Variants in NPC1L1 observed in about 807,000 individuals in gnomAD.
NPC1L1 encodes NPC1-like intracellular cholesterol transporter 1.
NPC1L1 carries 98 observed loss-of-function variants against 117.0 expected under a neutral mutation model. That is an observed-to-expected ratio of 0.84 (90% CI 0.71 to 0.99). The LOEUF (loss-of-function observed/expected upper bound fraction) is 0.99, where lower values mean the gene tolerates loss of function less well. NPC1L1 is among the 50% of genes least tolerant of loss of function. The pLI, the probability that NPC1L1 is intolerant of heterozygous loss-of-function variation, is 0.00. For missense variants in NPC1L1, 1,540 were observed against 1,710.0 expected (o/e 0.90, Z 1.75); for synonymous variants, 729 against 727.6 (o/e 1.00, Z -0.03).
At chr7:44,540,442 G>A in intron 1 of NPC1L1, 100 bp from the exon 2 acceptor site, 14 of 1,050,112 alleles carry the variant, frequency 1.3e-5, no homozygotes, top group Non-Finnish European at 1.7e-5. Context: ...AGGACATGGA[G>A]CAGGGGCAGG....
rs757044326 is a variant in NPC1L1, at chr7:44,540,206, C to A, written c.191G>T (p.Arg64Leu). ...NVSCLSNTPARKITGDHLILL... is the reference protein window; with the variant it reads ...NVSCLSNTPALKITGDHLILL... ...GATCAGGTGATCACCTGTGATCTTG[C>A]GGGCCGGCGTGTTGGACAGGCAGGA... Residue 64 changes from arginine (R) to leucine (L), a missense_variant, in exon 2 of 19, where the codon CGC becomes CTC. Arg to Leu is a moderately radical substitution (Grantham distance 102). Coordinates refer to ENST00000381160, the MANE Select transcript of NPC1L1 (RefSeq NM_001101648.2). 5 of 1,613,936 alleles carry A rather than the reference C, an allele frequency of 3.1e-6. No homozygotes were observed. In the African/African-American group the frequency reaches 4.0e-5, roughly 13 times the overall value.
rs201908509 is a variant in NPC1L1 at position 44,540,212 on chromosome 7, G to A, written c.185C>T (p.Pro62Leu). ...GTGATCACCTGTGATCTTGCGGGCC[G>A]GCGTGTTGGACAGGCAGGACACGTT... ...LSNVSCLSNT[P>L]ARKITGDHLI... Residue 62 changes from proline (P) to leucine (L), a missense_variant, in exon 2 of 19, where the codon CCG becomes CTG. Transcript: ENST00000381160. The A allele has an allele frequency of 1.8e-4, 291 of 1,614,080 alleles. 1 individual carries two copies. The highest frequency in any genetic ancestry group is 1.4e-3 in the Admixed American group (82 of 60,018).
Position 44,517,367 on chromosome 7 carries a change from C to A in NPC1L1, c.3137-10G>T. On this transcript the variant is annotated splice_polypyrimidine_tract_variant and intron_variant, in intron 14 of 18. Transcript: ENST00000381160. ...GCCATGAACCTGGAGGCTGGACAGCCATGGCACACAGAAGATGGAAGGGCA... is the reference window on the plus strand; with the variant it reads ...GCCATGAACCTGGAGGCTGGACAGCAATGGCACACAGAAGATGGAAGGGCA... 1.2e-6 allele frequency: 2 copies of A among 1,609,388 alleles called. No homozygotes were observed. The highest frequency in any genetic ancestry group is 1.1e-5 in the South Asian group (1 of 91,070).
At chr7:44,525,321 A>C (rs1259211056) in intron 10 of NPC1L1, among the ~76,000 whole-genome samples, 1 of 152,168 alleles carries the variant, frequency 6.6e-6, no homozygotes, top group Non-Finnish European at 1.5e-5. Flanking sequence ...GCAGTGGCAC[A>C]ATCTCGGCTC....
chr7:44,539,601 T>C lies in NPC1L1; in HGVS notation c.796A>G (p.Ile266Val), dbSNP rs147224015. ...CQDCAASCPAIARPQALDSTF... is the reference protein window; with the variant it reads ...CQDCAASCPAVARPQALDSTF... ...GAGTCGAGGGCCTGGGGGCGGGCTA[T>C]GGCAGGACAGGATGCAGCACAGTCT... Residue 266 changes from isoleucine to valine, a missense_variant, in exon 2 of 19, where the codon ATA becomes GTA. Physicochemically the swap from Ile to Val is conservative, Grantham distance 29. Around this residue, in one of 3 missense-constraint regions of NPC1L1, gnomAD observed 793 missense variants for 820.4 expected, o/e 0.97. Coordinates refer to ENST00000381160, the MANE Select transcript of NPC1L1 (RefSeq NM_001101648.2). This position sits in a 1 kb window ranked among gnomAD's most constrained non-coding sequence, Gnocchi z 4.4. 7 of 1,613,852 alleles carry C rather than the reference T, an allele frequency of 4.3e-6. No homozygotes were observed. The African/African-American group carries it at 6.7e-5, about 15-fold the overall frequency.
In NPC1L1 at chr7:44,512,895, C is replaced by T. The variant is rs1016413601; in HGVS notation, c.*552G>A. 2.2e-5 allele frequency: 4 copies of T among 181,636 alleles called. No individual in the cohort carries two copies. Among genetic ancestry groups the T allele is most frequent in the Non-Finnish European group, 4.7e-5 (4 of 84,558 alleles). 11.3% of individuals were successfully genotyped at this position (181,636 alleles called of 1,614,324 possible). A position where few individuals can be genotyped will look rare whatever the true frequency, so the allele number is the denominator to read the frequency against. Reference sequence around the variant, plus strand: ...GGGCCCTTCTCTTGCCAGAAAAGGCCGTGGATGGCAGACCTGCAGGTGCGC... The same window carrying T: ...GGGCCCTTCTCTTGCCAGAAAAGGCTGTGGATGGCAGACCTGCAGGTGCGC... On this transcript the variant is annotated 3_prime_UTR_variant, in exon 19 of 19. Coordinates refer to ENST00000381160, the MANE Select transcript of NPC1L1 (RefSeq NM_001101648.2).
At position 44,538,940 on chromosome 7, in the gene NPC1L1, C is replaced by T. The variant is rs768954079; in HGVS notation, c.1457G>A (p.Cys486Tyr). The T allele has an allele frequency of 6.2e-7, 1 of 1,614,186 alleles. No homozygotes were observed. The highest frequency in any genetic ancestry group is 1.7e-5 in the Admixed American group (1 of 60,022). Residue 486 changes from cysteine (C) to tyrosine (Y), a missense_variant, in exon 2 of 19, where the codon TGC becomes TAC. By Grantham distance (194) the Cys-to-Tyr change is radical (BLOSUM62 -2). Transcript: ENST00000381160. The surrounding 1 kb of genome is among the most constrained non-coding windows in gnomAD (Gnocchi z 5.9). ...GAAATACTGCAGGAGGCTGTTGATG[C>T]AGCAGTCGTAGAGACTGGTATTGTC... Reference protein sequence around the residue: ...NPDNTSLYDCCINSLLQYFQN... With the variant: ...NPDNTSLYDCYINSLLQYFQN...
chr7:44,515,454 A>G (rs1287029699), intron 18 of NPC1L1, among the ~76,000 whole-genome samples: 1 of 152,238 alleles, frequency 6.6e-6, no homozygotes, highest in Admixed American at 6.5e-5. Flanking sequence ...CATTTGTTTT[A>G]GGCAGGCATG....
rs1801340000 is a variant in NPC1L1, at chr7:44,521,094, C to A, written c.2978G>T (p.Cys993Phe). Residue 993 changes from cysteine (C) to phenylalanine (F), a missense_variant, in exon 13 of 19, where the codon TGC (cysteine) becomes TTC (phenylalanine). By Grantham distance (205) the Cys-to-Phe change is radical. Coordinates refer to ENST00000381160, the MANE Select transcript of NPC1L1 (RefSeq NM_001101648.2). ...CACAGAGCCCATCGTGATGCTCATG[C>A]AGTTCTTTAGGCAGTTCAGAGAGTC... The part of the protein sequence containing the change: ...TVNSLNCLKN[C>F]MSITMGSVRP... 6.2e-7 allele frequency: 1 copy of A among 1,614,196 alleles called. No homozygotes were observed. The highest frequency in any genetic ancestry group is 8.5e-7 in the Non-Finnish European group (1 of 1,180,040).
Position 44,534,720 on chromosome 7 carries a change from G to A in NPC1L1, c.1984-91C>T, listed in dbSNP as rs1039207237. 2.8e-6 allele frequency: 4 copies of A among 1,421,504 alleles called. No homozygotes were observed. The highest frequency in any genetic ancestry group is 3.9e-6 in the Non-Finnish European group (4 of 1,021,292). The allele number at this position is 1,421,504 out of a possible 1,614,324, so 88.1% of individuals were successfully genotyped here. On this transcript the variant is annotated intron_variant, in intron 5 of 18. Transcript: ENST00000381160. The surrounding 1 kb of genome is among the most constrained non-coding windows in gnomAD (Gnocchi z 5.2). ...GCTAGGCCAGACAAAGTAGCCGGCA[G>A]GCACCCTCAGTGCCTGCAGGTGCCC...
chr7:44,539,822 T>C lies in NPC1L1; in HGVS notation c.575A>G (p.Tyr192Cys). ...TLAVGTMCGV[Y>C]GSALCNAQRW... ...CTGGGCATTGCAAAGGGCAGAGCCA[T>C]ACACGCCACACATGGTGCCCACAGC... Residue 192 changes from tyrosine (Y) to cysteine (C), a missense_variant, in exon 2 of 19, where the codon TAT (tyrosine) becomes TGT (cysteine). By Grantham distance (194) the Tyr-to-Cys change is radical (BLOSUM62 -2). Around this residue, in one of 3 missense-constraint regions of NPC1L1, gnomAD observed 793 missense variants for 820.4 expected, o/e 0.97. Coordinates refer to ENST00000381160, the MANE Select transcript of NPC1L1 (RefSeq NM_001101648.2). The surrounding 1 kb of genome is among the most constrained non-coding windows in gnomAD (Gnocchi z 4.4). 6.2e-7 allele frequency: 1 copy of C among 1,614,066 alleles called. No individual in the cohort carries two copies.
chr7:44,533,313 T>G (rs1009698097), intron 8 of NPC1L1, 118 bp downstream of exon 8: 10 of 1,226,680 alleles, frequency 8.2e-6, no homozygotes, highest in Admixed American at 1.9e-5. Flanking sequence ...CCTGGCACAA[T>G]GCCCCTGTCC....
intron 14 of NPC1L1, chr7:44,518,791 C>T: frequency 9.8e-7 from 1 of 1,018,512 alleles, no homozygotes; most frequent in Non-Finnish European, 1.2e-6. Flanking sequence ...TACATACAAT[C>T]TCAGAGCAGG....
At chr7:44,521,248 A>G in intron 12 of NPC1L1, 130 bp from the exon 13 acceptor site, 1 of 1,228,894 alleles carries the variant, frequency 8.1e-7, no homozygotes, top group Admixed American at 1.8e-5. Context: ...TTCTAGGGGG[A>G]TTTGCATTTG....
chr7:44,533,649 C>T (rs912070690), intron 7 of NPC1L1, 90 bp downstream of exon 7: 6 of 1,607,402 alleles, frequency 3.7e-6, no homozygotes, highest in Non-Finnish European at 5.1e-6. Context: ...AGGGAATCTG[C>T]ACTATACCCA....
rs1801980184 is a variant in NPC1L1, at chr7:44,538,860, T to C, written c.1537A>G (p.Thr513Ala). Reference protein sequence around the residue: ...LTANQTLMGQTSQVDWKDHFL... With the variant: ...LTANQTLMGQASQVDWKDHFL... The stretch of plus-strand genomic sequence containing the variant: ...TGGTCCTTCCAGTCGACTTGGGAGG[T>C]CTGCCCCATCAGTGTCTGGTTGGCT... The change falls in exon 2 of 19, where the codon ACC becomes GCC. Residue 513 changes from threonine to alanine, a missense_variant. Thr to Ala is a moderately conservative substitution (Grantham distance 58, BLOSUM62 0). Transcript: ENST00000381160. This position sits in a 1 kb window ranked among gnomAD's most constrained non-coding sequence, Gnocchi z 5.9. 6.2e-7 allele frequency: 1 copy of C among 1,613,968 alleles called. No individual in the cohort carries two copies. Among genetic ancestry groups the C allele is most frequent in the East Asian group, 2.2e-5 (1 of 44,868 alleles).
Position 44,513,556 on chromosome 7 carries a change from G to GA in NPC1L1, c.3889dup (p.Ser1297PhefsTer7), listed in dbSNP as rs1563199183. The GA allele has an allele frequency of 1.2e-6, 2 of 1,614,148 alleles. No homozygotes were observed. The highest frequency in any genetic ancestry group is 2.2e-5 in the South Asian group (2 of 91,082). On this transcript the variant is annotated frameshift_variant, in exon 19 of 19. Transcript: ENST00000381160. LOFTEE classifies it low-confidence loss of function (END_TRUNC). ...GATGTTGTCAGCTGTGGAGACTCGG[G>GA]AGGGGTGATTTGGGCAAGAGGCCAC...
chr7:44,513,542 C>G lies in NPC1L1; in HGVS notation c.3904G>C (p.Ala1302Pro). Residue 1302 changes from alanine to proline, a missense_variant, in exon 19 of 19, where the codon GCT (alanine) becomes CCT (proline). By Grantham distance (27) the Ala-to-Pro change is conservative (BLOSUM62 -1). This residue lies in a region of NPC1L1 where 742 missense variants were observed against 873.6 expected (regional missense o/e 0.85). Coordinates refer to ENST00000381160, the MANE Select transcript of NPC1L1 (RefSeq NM_001101648.2). ...CPNHPSRVST[A>P]DNIYVNHSFE... ...CTGTGGTTGACATAGATGTTGTCAG[C>G]TGTGGAGACTCGGGAGGGGTGATTT... The G allele has an allele frequency of 1.2e-6, 2 of 1,614,158 alleles. No individual in the cohort carries two copies. Among genetic ancestry groups the G allele is most frequent in the Middle Eastern group, 3.3e-4 (2 of 6,050 alleles).
chr7:44,534,583 A>G lies in NPC1L1; in HGVS notation c.2030T>C (p.Leu677Pro). 1 of 1,614,160 alleles carries G rather than the reference A, an allele frequency of 6.2e-7. No individual in the cohort carries two copies. The highest frequency in any genetic ancestry group is 8.5e-7 in the Non-Finnish European group (1 of 1,180,014). ...TLGLGGVAVV[L>P]GAVMAAMGFF... ...GCCCATGGCAGCCATGACTGCTCCCAGGACCACGGCCACCCCGCCGAGGCC... is the reference window on the plus strand; with the variant it reads ...GCCCATGGCAGCCATGACTGCTCCCGGGACCACGGCCACCCCGCCGAGGCC... Residue 677 changes from leucine to proline, a missense_variant, in exon 6 of 19, where the codon CTG becomes CCG. This residue lies in a region of NPC1L1 where 742 missense variants were observed against 873.6 expected (regional missense o/e 0.85). Transcript: ENST00000381160. This position sits in a 1 kb window ranked among gnomAD's most constrained non-coding sequence, Gnocchi z 5.2.
Sources: gnomAD v4.1 joint callset for allele counts (sites outside exome capture counted in the v4.1 genomes callset) on GRCh38, gnomAD v4.1.1 for gene constraint, gnomAD v4.1.1 regional missense constraint, Gnocchi (gnomAD v3.1) non-coding constraint, MANE v1.5 for transcripts, NCBI Gene and HGNC (gene_info 2026-07-23, HGNC 2026-07-21) for gene names.